Variants in COL4A5 observed in about 807,000 individuals in gnomAD.
The protein encoded by COL4A5 is collagen alpha-5(IV) chain.
In COL4A5, 26 loss-of-function variants were observed where a neutral mutation model predicts 130.2. That is an observed-to-expected ratio of 0.20 (90% CI 0.15 to 0.28). The LOEUF is 0.28. Among genes scored for constraint, COL4A5 ranks in the 10% least tolerant of loss-of-function variants. The pLI is 1.00. For missense variants in COL4A5, 1,131 were observed against 1,344.3 expected (o/e 0.84, Z 2.48); for synonymous variants, 496 against 439.6 (o/e 1.13, Z -1.60).
intron 2 of COL4A5, among the ~76,000 whole-genome samples, chrX:108,546,539 G>A (rs1440164656): frequency 5.4e-5 from 6 of 111,413 alleles, no homozygotes; most frequent in East Asian, 2.8e-4. Flanking sequence ...GCTGCCCTTA[G>A]CTTTTTTTCC....
intron 49 of COL4A5, among the ~76,000 whole-genome samples, chrX:108,691,220 G>A (rs993019740): frequency 9.0e-6 from 1 of 110,675 alleles, no homozygotes; most frequent in Non-Finnish European, 1.9e-5. Context: ...CAAACATACA[G>A]TAAGATAGAA....
At chrX:108,655,587 T>G in intron 37 of COL4A5, 130 bp downstream of exon 37, 2 of 754,171 alleles carry the variant, frequency 2.7e-6, no homozygotes, top group Non-Finnish European at 3.9e-6. Flanking sequence ...CAACATAATC[T>G]CAAACTATCT....
At chrX:108,649,446 C>T (rs1362259918) in intron 36 of COL4A5, among the ~76,000 whole-genome samples, 2 of 111,601 alleles carry the variant, frequency 1.8e-5, no homozygotes, top group Non-Finnish European at 3.8e-5. Context: ...CCTGCATAGC[C>T]AAAGCAAGAC....
chrX:108,673,270 A>T (rs1205610296), intron 42 of COL4A5, among the ~76,000 whole-genome samples: 1 of 111,714 alleles, frequency 9.0e-6, no homozygotes, highest in African/African-American at 3.3e-5. Context: ...ACTCAGAAAG[A>T]TTGAATTGCC....
rs1203360272 is a variant in COL4A5 at position 108,601,889 on chromosome X, C to T, written c.2046C>T (p.Asp682=). ...ATAACTGCTGTTTCTCCATAGGTGA[C>T]CCTGGACTTCCAGGGCAACCAGGCT... The part of the protein sequence containing the change: ...GRDGDVGLPG[D]PGLPGQPGLP... The change falls in exon 27 of 53, where the codon GAC becomes GAT. Residue 682 remains aspartate (D), a synonymous_variant. Transcript: ENST00000328300. The T allele has an allele frequency of 8.9e-7, 1 of 1,129,011 alleles. No homozygotes were observed. The highest frequency in any genetic ancestry group is 1.8e-5 in the African/African-American group (1 of 55,443). 93.0% of individuals were successfully genotyped at this position (1,129,011 alleles called of 1,213,427 possible). A position where few individuals can be genotyped will look rare whatever the true frequency, so the allele number is the denominator to read the frequency against.
At chrX:108,493,287 A>G (rs1279999873) in intron 1 of COL4A5, among the ~76,000 whole-genome samples, 2 of 111,211 alleles carry the variant, frequency 1.8e-5, no homozygotes, top group Non-Finnish European at 3.8e-5. Context: ...ATGGGGAAAG[A>G]CTCTCAATTT....
chrX:108,546,114 T>G (rs1332916198), intron 2 of COL4A5, among the ~76,000 whole-genome samples: 1 of 111,638 alleles, frequency 9.0e-6, no homozygotes, highest in African/African-American at 3.3e-5. Flanking sequence ...TTACATTCAA[T>G]GTTAATATTG....
At chrX:108,534,253 A>G (rs1395804059) in intron 1 of COL4A5, among the ~76,000 whole-genome samples, 1 of 111,669 alleles carries the variant, frequency 9.0e-6, no homozygotes, top group Admixed American at 9.5e-5. Context: ...CCAAAGGTAA[A>G]GAAATCAATA....
At chrX:108,547,338 T>C (rs749529823) in intron 2 of COL4A5, among the ~76,000 whole-genome samples, 1 of 112,403 alleles carries the variant, frequency 8.9e-6, no homozygotes, top group South Asian at 3.7e-4. Flanking sequence ...GTCAGGACCC[T>C]CAGCTGCAGG....
chrX:108,481,500 T>C (rs1378341748), intron 1 of COL4A5, among the ~76,000 whole-genome samples: 3 of 111,691 alleles, frequency 2.7e-5, no homozygotes, highest in African/African-American at 9.8e-5. Flanking sequence ...AACCTAGAAG[T>C]TTTCTCTGTA....
chrX:108,488,438 G>A (rs2064966575), intron 1 of COL4A5, among the ~76,000 whole-genome samples: 2 of 112,249 alleles, frequency 1.8e-5, no homozygotes, highest in Admixed American at 9.4e-5. Context: ...TATCTGTAGG[G>A]TGAATTTCTA....
At chrX:108,675,803 T>A (rs770780183) in intron 43 of COL4A5, among the ~76,000 whole-genome samples, 127 of 111,952 alleles carry the variant, frequency 1.1e-3, no homozygotes, top group Middle Eastern at 9.3e-3. Flanking sequence ...AAAATAATAA[T>A]AATTTTAAAA....
intron 36 of COL4A5, among the ~76,000 whole-genome samples, chrX:108,638,624 A>G (rs1238271503): frequency 5.4e-5 from 6 of 111,995 alleles, no homozygotes; most frequent in African/African-American, 1.9e-4. Flanking sequence ...GGAAGAAGTA[A>G]AATTATCTTT....
At chrX:108,567,565 C>T (rs1042898551) in intron 4 of COL4A5, among the ~76,000 whole-genome samples, 2 of 111,381 alleles carry the variant, frequency 1.8e-5, no homozygotes, top group Admixed American at 9.6e-5. Context: ...GTGTATTAGT[C>T]TGTTCTCACA....
chrX:108,694,505 A>G, intron 50 of COL4A5: 1 of 318,527 alleles, frequency 3.1e-6, no homozygotes, highest in Middle Eastern at 1.0e-3. Context: ...ACCAAACCAA[A>G]CTCTTACGGC....
At chrX:108,673,420 G>C (rs1395026057) in intron 42 of COL4A5, among the ~76,000 whole-genome samples, 2 of 111,497 alleles carry the variant, frequency 1.8e-5, no homozygotes, top group African/African-American at 3.3e-5. Context: ...TGTAAGAAAA[G>C]AAAATTGTGT....
At chrX:108,669,021 T>C (rs2068142307) in intron 41 of COL4A5, among the ~76,000 whole-genome samples, 1 of 112,044 alleles carries the variant, frequency 8.9e-6, no homozygotes, top group Admixed American at 9.5e-5. Context: ...CAATCAAATT[T>C]ATCTCCAACA....
intron 2 of COL4A5, among the ~76,000 whole-genome samples, chrX:108,547,986 G>C (rs1357691209): frequency 1.8e-5 from 2 of 111,829 alleles, no homozygotes; most frequent in East Asian, 5.7e-4. Context: ...GGAGTGACCC[G>C]ATTTTCCAGG....
chrX:108,673,518 G>T (rs1194377855), intron 42 of COL4A5, among the ~76,000 whole-genome samples: 1 of 110,180 alleles, frequency 9.1e-6, no homozygotes, highest in African/African-American at 3.3e-5. Context: ...ATAGTGAATA[G>T]CCTGTCTTAA....
Sources: gnomAD v4.1 joint callset for allele counts (sites outside exome capture counted in the v4.1 genomes callset) on GRCh38, gnomAD v4.1.1 for gene constraint, MANE v1.5 for transcripts, NCBI Gene and HGNC (gene_info 2026-07-23, HGNC 2026-07-21) for gene names.